The following C10orf90 variants were observed in gnomAD, a reference collection of about 807,000 sequenced individuals.
The protein encoded by C10orf90 is chromosome 10 open reading frame 90.
In C10orf90, 56 loss-of-function variants were observed where a neutral mutation model predicts 62.5. The ratio of observed to expected loss-of-function variants is 0.90; its 90% CI spans 0.72 to 1.12. The LOEUF (loss-of-function observed/expected upper bound fraction) is 1.12, where lower values mean the gene tolerates loss of function less well. C10orf90 is among the 50% of genes most tolerant of loss of function. The pLI is 0.00. For missense variants in C10orf90, 970 were observed against 880.4 expected (o/e 1.10, Z -1.29); for synonymous variants, 386 against 340.4 (o/e 1.13, Z -1.47).
At chr10:126,574,191 A>G (rs764424201) in intron 2 of C10orf90, among the ~76,000 whole-genome samples, 3 of 152,262 alleles carry the variant, frequency 2.0e-5, no homozygotes, top group Admixed American at 2.0e-4. Flanking sequence ...AATGTTGTGC[A>G]TAGTCACAAA....
rs117243487 is a variant in C10orf90, at chr10:126,586,989, C to T, written c.313+59576G>A. 3.3e-3 allele frequency among the ~76,000 whole-genome samples: 501 copies of T among 152,238 alleles called. 13 individuals carry two copies. The highest frequency in any genetic ancestry group is 0.025 in the East Asian group (130 of 5,162). ...AAAGGAGGTGACCCATATGGAAGAG[C>T]GTCAGAACAAACCATCTAAAAGTGA... is the stretch of plus-strand genomic sequence containing the variant. On this transcript the variant is annotated intron_variant, in intron 2 of 9. Coordinates refer to ENST00000488181, the MANE Select transcript of C10orf90 (RefSeq NM_001350921.2).
At chr10:126,443,613 A>C (rs1462645045) in intron 7 of C10orf90, among the ~76,000 whole-genome samples, 1 of 150,532 alleles carries the variant, frequency 6.6e-6, no homozygotes, top group Non-Finnish European at 1.5e-5. Flanking sequence ...AGAAGAATTG[A>C]TATCAATCCT....
At position 126,426,093 on chromosome 10, in the gene C10orf90, G is replaced by T. The variant is rs767965306; in HGVS notation, c.2253-3C>A. On this transcript the variant is annotated splice_region_variant and splice_polypyrimidine_tract_variant and intron_variant, in intron 8 of 9. Coordinates refer to ENST00000488181, the MANE Select transcript of C10orf90 (RefSeq NM_001350921.2). ...CTTCCGGCAAGTTATCATAGATTCT[G>T]AAACAGATTCGGAAAACATTTGGAA... The T allele has an allele frequency of 8.1e-6, 13 of 1,611,264 alleles. No individual in the cohort carries two copies. The highest frequency in any genetic ancestry group is 1.1e-5 in the Non-Finnish European group (13 of 1,177,564).
intron 2 of C10orf90, among the ~76,000 whole-genome samples, chr10:126,531,590 A>G (rs889863128): frequency 1.3e-5 from 2 of 152,240 alleles, no homozygotes; most frequent in Non-Finnish European, 2.9e-5. Context: ...CCACTGAAGA[A>G]TAATATGCCT....
intron 2 of C10orf90, among the ~76,000 whole-genome samples, chr10:126,623,266 C>G (rs747127480): frequency 6.6e-6 from 1 of 152,152 alleles, no homozygotes; most frequent in Non-Finnish European, 1.5e-5. Context: ...CCCACTACCC[C>G]TCTTGTTCAT....
intron 2 of C10orf90, among the ~76,000 whole-genome samples, chr10:126,543,177 G>T (rs11596556): frequency 6.6e-6 from 1 of 152,106 alleles, no homozygotes; most frequent in South Asian, 2.1e-4. Flanking sequence ...TCATAAAGTG[G>T]CGGTAATAAA....
chr10:126,504,233 G>T lies in C10orf90; in HGVS notation c.1258C>A (p.Leu420Ile), dbSNP rs771014291. 30 of 1,614,058 alleles carry T rather than the reference G, an allele frequency of 1.9e-5. No homozygotes were observed. The highest frequency in any genetic ancestry group is 2.3e-5 in the Non-Finnish European group (27 of 1,180,054). ...EPISEALKQE[L>I]LEGDQDLVGQ... ...ACGAGGTCCTGGTCTCCCTCCAGGAGCTCCTGCTTCAGGGCTTCGCTTATT... is the reference window on the plus strand; with the variant it reads ...ACGAGGTCCTGGTCTCCCTCCAGGATCTCCTGCTTCAGGGCTTCGCTTATT... Residue 420 changes from leucine to isoleucine, a missense_variant, in exon 4 of 10, where the codon CTC becomes ATC. By Grantham distance (5) the Leu-to-Ile change is conservative. Transcript: ENST00000488181. This position sits in a 1 kb window ranked among gnomAD's most constrained non-coding sequence, Gnocchi z 4.1.
chr10:126,609,742 G>C (rs931340441), intron 2 of C10orf90, among the ~76,000 whole-genome samples: 3 of 152,224 alleles, frequency 2.0e-5, no homozygotes, highest in African/African-American at 4.8e-5. Context: ...GGAGGCAAGG[G>C]AGCCAGCCAG....
intron 1 of C10orf90, among the ~76,000 whole-genome samples, chr10:126,659,686 C>A (rs1275696919): frequency 1.3e-5 from 2 of 152,154 alleles, no homozygotes; most frequent in African/African-American, 2.4e-5. Context: ...ATTGATCATA[C>A]AAAGTGACCT....
intron 3 of C10orf90, 67 bp from the exon 4 acceptor site, chr10:126,505,152 C>G: frequency 1.3e-6 from 2 of 1,490,354 alleles, no homozygotes; most frequent in East Asian, 4.6e-5. Flanking sequence ...AACTCTCTTT[C>G]AAGGGCCACC....
At chr10:126,605,446 A>G (rs567297587) in intron 2 of C10orf90, among the ~76,000 whole-genome samples, 17 of 152,052 alleles carry the variant, frequency 1.1e-4, no homozygotes, top group Non-Finnish European at 2.4e-4. Context: ...AGGACCCTGG[A>G]GAGGTCCCTC....
chr10:126,630,960 G>A (rs911035664), intron 2 of C10orf90, among the ~76,000 whole-genome samples: 5 of 152,192 alleles, frequency 3.3e-5, no homozygotes, highest in East Asian at 1.9e-4. Context: ...CATTCATACC[G>A]TCAAGGGAGA....
chr10:126,565,639 G>A (rs1305391109), intron 2 of C10orf90, among the ~76,000 whole-genome samples: 1 of 151,418 alleles, frequency 6.6e-6, no homozygotes, highest in Non-Finnish European at 1.5e-5. Context: ...GTAGCTTAAG[G>A]AACTTCAAAG....
chr10:126,519,161 T>C (rs527624698), intron 2 of C10orf90, among the ~76,000 whole-genome samples: 1 of 151,946 alleles, frequency 6.6e-6, no homozygotes, highest in Admixed American at 6.6e-5. Flanking sequence ...TGGGTTTAGA[T>C]AAAGGTGAAC....
chr10:126,612,324 TA>T (rs996814366), intron 2 of C10orf90, among the ~76,000 whole-genome samples: 25 of 146,208 alleles, frequency 1.7e-4, no homozygotes, highest in Admixed American at 4.1e-4. Context: ...GTGTCTTAAA[TA>T]AAAAAAAAAA....
intron 1 of C10orf90, among the ~76,000 whole-genome samples, chr10:126,667,260 G>A (rs2133880008): frequency 6.6e-6 from 1 of 151,650 alleles, no homozygotes; most frequent in South Asian, 2.1e-4. Context: ...GGGTTTCACT[G>A]TGTTAGCCAG....
chr10:126,516,065 T>C (rs947922152), intron 2 of C10orf90, among the ~76,000 whole-genome samples: 1 of 152,186 alleles, frequency 6.6e-6, no homozygotes, highest in African/African-American at 2.4e-5. Context: ...TGGCATCGCA[T>C]GTGGTTAAGA....
rs1864775473 is a variant in C10orf90 at position 126,556,465 on chromosome 10, CAG to C, written c.314-42528_314-42527del. 6.6e-5 allele frequency among the ~76,000 whole-genome samples: 10 copies of C among 152,284 alleles called. No homozygotes were observed. In the South Asian group the frequency reaches 1.9e-3, roughly 28 times the overall value. ...GTGATCCTTGAAATTATATTACCAA[CAG>C]AAATTTTCCTTCATTGCTTATTTTG... On this transcript the variant is annotated intron_variant, in intron 2 of 9. Coordinates refer to ENST00000488181, the MANE Select transcript of C10orf90 (RefSeq NM_001350921.2).
At chr10:126,507,681 G>A (rs1223060019) in intron 3 of C10orf90, among the ~76,000 whole-genome samples, 1 of 152,052 alleles carries the variant, frequency 6.6e-6, no homozygotes, top group African/African-American at 2.4e-5. Context: ...TCAGCCCAGG[G>A]TTCATCAGTC....
Sources: allele counts gnomAD v4.1 joint callset (sites outside exome capture counted in the v4.1 genomes callset), GRCh38; gene constraint gnomAD v4.1.1; non-coding constraint Gnocchi (gnomAD v3.1); transcripts MANE v1.5; gene names NCBI Gene and HGNC (gene_info 2026-07-23, HGNC 2026-07-21).